The following ZDHHC2 variants were observed in gnomAD, a reference collection of about 807,000 sequenced individuals.
The protein encoded by ZDHHC2 is palmitoyltransferase ZDHHC2.
In ZDHHC2, 51 loss-of-function variants were observed where a neutral mutation model predicts 55.6. The ratio of observed to expected loss-of-function variants is 0.92; its 90% CI spans 0.73 to 1.16. The LOEUF is 1.16. Among genes scored for constraint, ZDHHC2 ranks in the 50% most tolerant of loss-of-function variants. ZDHHC2 has a pLI of 0.00. For missense variants in ZDHHC2, 491 were observed against 442.4 expected, an observed-to-expected ratio of 1.11 and a Z score of -0.99; for synonymous variants, 199 against 152.9, an observed-to-expected ratio of 1.30 and a Z score of -2.22.
chr8:17,182,892 C>G (rs570936478), intron 1 of ZDHHC2, among the ~76,000 whole-genome samples: 2 of 152,216 alleles, frequency 1.3e-5, no homozygotes, highest in Non-Finnish European at 2.9e-5. Context: ...CTCCAAGTAG[C>G]TGGGATTACA....
At chr8:17,174,255 A>G (rs1805013015) in intron 1 of ZDHHC2, among the ~76,000 whole-genome samples, 1 of 152,080 alleles carries the variant, frequency 6.6e-6, no homozygotes, top group Non-Finnish European at 1.5e-5. Flanking sequence ...TGCCCTGCTA[A>G]TTTATAATTT....
chr8:17,164,866 AT>A (rs1427001331), intron 1 of ZDHHC2, among the ~76,000 whole-genome samples: 2 of 152,214 alleles, frequency 1.3e-5, no homozygotes, highest in African/African-American at 4.8e-5. Flanking sequence ...ATGGATTTTC[AT>A]CATATTTGAA....
Position 17,222,243 on chromosome 8 carries a change from G to A in ZDHHC2, c.*2022G>A, listed in dbSNP as rs1465401075. ...TGTTCCCTTTCTGTTTTCATATAGT[G>A]AATAACCTTTAAAGGGTTGTTTTGT... On this transcript the variant is annotated 3_prime_UTR_variant, in exon 13 of 13. Transcript: ENST00000262096. 6.6e-6 allele frequency: 1 copy of A among 151,530 alleles called. No homozygotes were observed. The highest frequency in any genetic ancestry group is 1.5e-5 in the Non-Finnish European group (1 of 67,724). The allele number at this position is 151,530 out of a possible 1,614,324, so 9.4% of individuals were successfully genotyped here.
At chr8:17,187,110 G>A (rs185810086) in intron 3 of ZDHHC2, among the ~76,000 whole-genome samples, 9 of 152,208 alleles carry the variant, frequency 5.9e-5, no homozygotes, top group Non-Finnish European at 1.3e-4. Flanking sequence ...CACAAGGAAG[G>A]GGGGAGTGTA....
intron 5 of ZDHHC2, 108 bp from the exon 6 acceptor site, chr8:17,198,273 A>G (rs1191229257): frequency 2.8e-6 from 3 of 1,056,728 alleles, no homozygotes; most frequent in Non-Finnish European, 3.9e-6. Flanking sequence ...ATTTTGCAAT[A>G]TTTTACTTGC....
intron 2 of ZDHHC2, 23 bp downstream of exon 2, chr8:17,184,838 T>C (rs764783558): frequency 4.6e-6 from 7 of 1,524,528 alleles, no homozygotes; most frequent in Non-Finnish European, 6.2e-6. Context: ...ATATTAATGT[T>C]ATAGATTTTT....
chr8:17,191,362 G>T (rs753966967), intron 3 of ZDHHC2, among the ~76,000 whole-genome samples: 1 of 152,192 alleles, frequency 6.6e-6, no homozygotes, highest in Non-Finnish European at 1.5e-5. Flanking sequence ...CTCCCAAAGT[G>T]CTGGGATTAC....
chr8:17,190,258 A>C (rs562627196), intron 3 of ZDHHC2, among the ~76,000 whole-genome samples: 3 of 151,896 alleles, frequency 2.0e-5, no homozygotes, highest in East Asian at 3.9e-4. Flanking sequence ...TCCGTCTCAA[A>C]AAAAAAAAAG....
intron 3 of ZDHHC2, among the ~76,000 whole-genome samples, chr8:17,192,581 C>G (rs188251407): frequency 4.6e-5 from 7 of 152,236 alleles, no homozygotes; most frequent in Admixed American, 4.6e-4. Context: ...GTTGTGTCTT[C>G]TCTTGGTTGA....
chr8:17,169,027 TC>T (rs1304483657), intron 1 of ZDHHC2, among the ~76,000 whole-genome samples: 1 of 152,216 alleles, frequency 6.6e-6, no homozygotes, highest in Non-Finnish European at 1.5e-5. Flanking sequence ...TGCTTTAAAT[TC>T]TTTTGGTAGA....
intron 1 of ZDHHC2, among the ~76,000 whole-genome samples, chr8:17,172,437 A>G (rs1804904508): frequency 6.6e-6 from 1 of 152,148 alleles, no homozygotes; most frequent in East Asian, 1.9e-4. Context: ...GGAGAAGGAG[A>G]TGGGGAGTGG....
intron 3 of ZDHHC2, among the ~76,000 whole-genome samples, chr8:17,193,105 T>C (rs551052449): frequency 8.5e-5 from 13 of 152,332 alleles, no homozygotes; most frequent in African/African-American, 3.1e-4. Flanking sequence ...ATGTGAGTCT[T>C]CCAGTTTTGT....
intron 1 of ZDHHC2, among the ~76,000 whole-genome samples, chr8:17,172,470 G>GT (rs769828888): frequency 1.1e-4 from 17 of 152,166 alleles, no homozygotes; most frequent in Non-Finnish European, 2.2e-4. Context: ...TGGGTACAAA[G>GT]TTTCAGGTAC....
chr8:17,201,941 C>G (rs1174650646), intron 6 of ZDHHC2, among the ~76,000 whole-genome samples: 1 of 152,130 alleles, frequency 6.6e-6, no homozygotes, highest in Non-Finnish European at 1.5e-5. Context: ...TAAGATTACC[C>G]ACCAGAATTC....
At chr8:17,161,513 C>A (rs1011630572) in intron 1 of ZDHHC2, among the ~76,000 whole-genome samples, 7 of 152,182 alleles carry the variant, frequency 4.6e-5, no homozygotes, top group African/African-American at 1.7e-4. Context: ...TAAGGCACAT[C>A]CATAGAAAAC....
intron 1 of ZDHHC2, among the ~76,000 whole-genome samples, chr8:17,168,801 G>A (rs755315590): frequency 3.9e-5 from 6 of 152,110 alleles, no homozygotes; most frequent in Non-Finnish European, 5.9e-5. Context: ...GAGTTCACCT[G>A]TGTTGTAGCA....
intron 1 of ZDHHC2, among the ~76,000 whole-genome samples, chr8:17,172,196 A>G (rs1027762206): frequency 2.0e-5 from 3 of 152,166 alleles, no homozygotes; most frequent in African/African-American, 7.2e-5. Flanking sequence ...AAATTGTTTT[A>G]ACTAGACCCT....
chr8:17,203,932 C>T (rs1190169147), intron 6 of ZDHHC2, among the ~76,000 whole-genome samples: 4 of 151,996 alleles, frequency 2.6e-5, no homozygotes, highest in Non-Finnish European at 4.4e-5. Flanking sequence ...CTCGGCCTCC[C>T]GAGTATCTGG....
intron 4 of ZDHHC2, among the ~76,000 whole-genome samples, chr8:17,197,299 A>G (rs1210634165): frequency 1.3e-5 from 2 of 152,158 alleles, no homozygotes; most frequent in African/African-American, 4.8e-5. Flanking sequence ...ACATGGACAT[A>G]TTTGTACCCT....
Sources: allele counts gnomAD v4.1 joint callset (sites outside exome capture counted in the v4.1 genomes callset), GRCh38; gene constraint gnomAD v4.1.1; transcripts MANE v1.5; gene names NCBI Gene and HGNC (gene_info 2026-07-23, HGNC 2026-07-21).